The following SKIC2 variants were observed in gnomAD, a reference collection of about 807,000 sequenced individuals.
SKIC2 encodes superkiller complex protein 2.
chr6:31,962,505 CG>C, the SKIC2 span: 1 of 1,614,070 alleles, frequency 6.2e-7, no homozygotes, highest in African/African-American at 1.3e-5. The surrounding 1 kb of genome is among the most constrained non-coding windows in gnomAD (Gnocchi z 5.0). Flanking sequence ...GAAACACATT[CG>C]GGGATGTGGG....
chr6:31,961,906 T>C, the SKIC2 span: 2 of 1,612,846 alleles, frequency 1.2e-6, no homozygotes, highest in South Asian at 2.2e-5. Flanking sequence ...CTCTCTCCCA[T>C]AGTGGGCATT....
the SKIC2 span, chr6:31,966,122 G>GCAAGACCCTGTC: frequency 1.3e-6 from 1 of 754,176 alleles, no homozygotes; most frequent in Non-Finnish European, 2.1e-6. The surrounding 1 kb of genome is among the most constrained non-coding windows in gnomAD (Gnocchi z 5.9). Flanking sequence ...TGGAGACAGG[G>GCAAGACCCTGTC]TCTTGCTCTG....
the SKIC2 span, chr6:31,967,463 G>A: frequency 7.7e-5 from 81 of 1,052,926 alleles, no homozygotes; most frequent in Admixed American, 4.1e-4. This position sits in a 1 kb window ranked among gnomAD's most constrained non-coding sequence, Gnocchi z 4.9. Flanking sequence ...GGCAGGTTGC[G>A]TCATCATAGG....
chr6:31,959,354 C>T, the SKIC2 span: 5 of 1,613,856 alleles, frequency 3.1e-6, no homozygotes, highest in African/African-American at 1.3e-5. Flanking sequence ...CTCGGATGCA[C>T]GGGGCACTGG....
the SKIC2 span, chr6:31,968,177 C>T: frequency 6.5e-7 from 1 of 1,547,190 alleles, no homozygotes; most frequent in Non-Finnish European, 8.9e-7. The surrounding 1 kb of genome is among the most constrained non-coding windows in gnomAD (Gnocchi z 6.1). Flanking sequence ...TGAGGGAGAC[C>T]ATGAAGTGGT....
At chr6:31,964,987 A>G in the SKIC2 span, among the ~76,000 whole-genome samples, 7 of 152,232 alleles carry the variant, frequency 4.6e-5, no homozygotes, top group South Asian at 1.0e-3. The surrounding 1 kb of genome is among the most constrained non-coding windows in gnomAD (Gnocchi z 5.0). Flanking sequence ...GCATGGTGGC[A>G]GGTGCCTGTA....
At chr6:31,968,937 G>C in the SKIC2 span, 39 of 1,612,988 alleles carry the variant, frequency 2.4e-5, 1 homozygote, top group Non-Finnish European at 3.3e-5. This position sits in a 1 kb window ranked among gnomAD's most constrained non-coding sequence, Gnocchi z 6.1. Context: ...GGTGGCTTGT[G>C]CCATGAGCAG....
the SKIC2 span, chr6:31,967,640 G>T: frequency 1.3e-6 from 2 of 1,532,388 alleles, no homozygotes; most frequent in Non-Finnish European, 1.8e-6. The surrounding 1 kb of genome is among the most constrained non-coding windows in gnomAD (Gnocchi z 4.9). Flanking sequence ...TCCTGCCCAA[G>T]GGTGGGTATC....
the SKIC2 span, chr6:31,963,945 C>T: frequency 1.2e-6 from 2 of 1,611,880 alleles, no homozygotes; most frequent in Non-Finnish European, 8.5e-7. The surrounding 1 kb of genome is among the most constrained non-coding windows in gnomAD (Gnocchi z 5.3). Context: ...TCCTGGCCTC[C>T]CTCCGCACAC....
At chr6:31,961,025 T>C in the SKIC2 span, 3 of 1,585,790 alleles carry the variant, frequency 1.9e-6, no homozygotes, top group Non-Finnish European at 2.6e-6. Context: ...CCTGATTTCA[T>C]GTCCCTATCC....
At chr6:31,965,668 A>G in the SKIC2 span, 1 of 651,466 alleles carries the variant, frequency 1.5e-6, no homozygotes, top group Non-Finnish European at 2.8e-6. This position sits in a 1 kb window ranked among gnomAD's most constrained non-coding sequence, Gnocchi z 5.6. Context: ...GTGAGATCCC[A>G]TAAGTAACAA....
chr6:31,963,383 C>A, the SKIC2 span: 1 of 1,519,606 alleles, frequency 6.6e-7, no homozygotes, highest in Non-Finnish European at 8.8e-7. The surrounding 1 kb of genome is among the most constrained non-coding windows in gnomAD (Gnocchi z 5.3). Flanking sequence ...ACGTTCCCAC[C>A]CCTGACCTGC....
At chr6:31,969,269 C>G in the SKIC2 span, 5 of 1,613,986 alleles carry the variant, frequency 3.1e-6, no homozygotes, top group Non-Finnish European at 4.2e-6. The surrounding 1 kb of genome is among the most constrained non-coding windows in gnomAD (Gnocchi z 6.1). Context: ...ACCTCTCCTT[C>G]TTTCCTGCAG....
chr6:31,968,952 G>T, the SKIC2 span: 2 of 1,612,952 alleles, frequency 1.2e-6, no homozygotes, highest in East Asian at 4.5e-5. The surrounding 1 kb of genome is among the most constrained non-coding windows in gnomAD (Gnocchi z 6.1). Context: ...GAGCAGCCAT[G>T]AGTTGCTCCT....
At chr6:31,960,919 TG>T in the SKIC2 span, 1 of 910,580 alleles carries the variant, frequency 1.1e-6, no homozygotes, top group South Asian at 1.4e-5. Context: ...GTTGGGAAAG[TG>T]TCATAGCAAA....
chr6:31,969,283 A>G, the SKIC2 span: 1 of 1,614,036 alleles, frequency 6.2e-7, no homozygotes, highest in Non-Finnish European at 8.5e-7. This position sits in a 1 kb window ranked among gnomAD's most constrained non-coding sequence, Gnocchi z 6.1. Flanking sequence ...CCTGCAGGGA[A>G]TAGAACGTGT....
chr6:31,968,329 A>G, the SKIC2 span: 1 of 1,612,074 alleles, frequency 6.2e-7, no homozygotes, highest in African/African-American at 1.3e-5. This position sits in a 1 kb window ranked among gnomAD's most constrained non-coding sequence, Gnocchi z 6.1. Flanking sequence ...CCTCTTCAGG[A>G]AGGATCCTCC....
At chr6:31,962,355 G>A in the SKIC2 span, 813 of 1,449,666 alleles carry the variant, frequency 5.6e-4, 2 homozygotes, top group South Asian at 1.9e-3. This position sits in a 1 kb window ranked among gnomAD's most constrained non-coding sequence, Gnocchi z 5.0. Context: ...TCTGGGGCAT[G>A]CTTCCACGAG....
At chr6:31,959,441 C>T in the SKIC2 span, 2 of 1,359,440 alleles carry the variant, frequency 1.5e-6, no homozygotes, top group Non-Finnish European at 2.1e-6. Flanking sequence ...CGCATTGAGT[C>T]CAAACCTCCT....
Sources: allele counts gnomAD v4.1 joint callset (sites outside exome capture counted in the v4.1 genomes callset), GRCh38; gene constraint gnomAD v4.1.1; non-coding constraint Gnocchi (gnomAD v3.1); transcripts MANE v1.5; gene names NCBI Gene and HGNC (gene_info 2026-07-23, HGNC 2026-07-21).